FUT8: variants seen among roughly 807,000 people sequenced by gnomAD.
The protein encoded by FUT8 is alpha-(1,6)-fucosyltransferase.
In FUT8, 29 loss-of-function variants were observed where a neutral mutation model predicts 71.3. The ratio of observed to expected loss-of-function variants is 0.41; its 90% CI spans 0.30 to 0.55. FUT8 has a LOEUF of 0.55. Ranked by LOEUF, FUT8 falls within the 20% of genes least tolerant of loss-of-function variation. The pLI, the probability that FUT8 is intolerant of heterozygous loss-of-function variation, is 0.34. For missense variants in FUT8, 544 were observed against 702.1 expected, an observed-to-expected ratio of 0.77 and a Z score of 2.55; for synonymous variants, 254 against 239.3, an observed-to-expected ratio of 1.06 and a Z score of -0.57.
At chr14:65,723,078 GA>G (rs1355858500) in intron 8 of FUT8, among the ~76,000 whole-genome samples, 1 of 151,682 alleles carries the variant, frequency 6.6e-6, no homozygotes, top group African/African-American at 2.4e-5. Context: ...CTGGGAGGCT[GA>G]GGCAAGTGGA....
rs1326216664 is a variant in FUT8, at chr14:65,691,466, C to T, written c.835+21986C>T. 2.6e-5 allele frequency among the ~76,000 whole-genome samples: 4 copies of T among 151,768 alleles called. No homozygotes were observed. In the East Asian group the frequency reaches 7.7e-4, roughly 29 times the overall value. On this transcript the variant is annotated intron_variant, in intron 7 of 10. Transcript: ENST00000673929. ...TGGATTTGGTGGACTACTTTTCTTGCATCTATTGATATTATTAAATTATTT... is the reference window on the plus strand; with the variant it reads ...TGGATTTGGTGGACTACTTTTCTTGTATCTATTGATATTATTAAATTATTT...
the FUT8 span, among the ~76,000 whole-genome samples, chr14:65,378,113 C>A: frequency 2.0e-5 from 3 of 152,198 alleles, no homozygotes; most frequent in Non-Finnish European, 2.9e-5. Flanking sequence ...CACTGTAATT[C>A]TACAACTCTT....
intron 2 of FUT8, among the ~76,000 whole-genome samples, chr14:65,522,617 C>T (rs968187687): frequency 1.3e-4 from 20 of 151,990 alleles, no homozygotes; most frequent in African/African-American, 2.4e-4. Flanking sequence ...TACATGTGCG[C>T]GACGTGCAGG....
intron 3 of FUT8, among the ~76,000 whole-genome samples, chr14:65,567,934 C>T (rs532835161): frequency 6.6e-6 from 1 of 151,816 alleles, no homozygotes; most frequent in African/African-American, 2.4e-5. Flanking sequence ...CAGGCCAATT[C>T]TGTTCTCTGG....
chr14:65,526,582 T>A lies in FUT8; in HGVS notation c.-227-34755T>A, dbSNP rs566630461. ...TTTACATTTAAGGTTAATATTGTTA[T>A]GTGTGAATTTGATCCTGTCATTATG... On this transcript the variant is annotated intron_variant, in intron 2 of 10. Coordinates refer to ENST00000673929, the MANE Select transcript of FUT8 (RefSeq NM_001371533.1). 3.3e-5 allele frequency among the ~76,000 whole-genome samples: 5 copies of A among 152,336 alleles called. No individual in the cohort carries two copies. The East Asian group carries it at 9.6e-4, about 29-fold the overall frequency.
chr14:65,511,045 C>T (rs886206034), intron 2 of FUT8, among the ~76,000 whole-genome samples: 1 of 151,962 alleles, frequency 6.6e-6, no homozygotes, highest in Non-Finnish European at 1.5e-5. Flanking sequence ...GCACTTGTAG[C>T]TATAAAATTC....
chr14:65,524,301 T>C (rs971158190), intron 2 of FUT8, among the ~76,000 whole-genome samples: 4 of 152,166 alleles, frequency 2.6e-5, no homozygotes, highest in African/African-American at 7.2e-5. Context: ...CCCTTGTAAG[T>C]TGGATTCCTA....
chr14:65,534,549 CTTTTTTT>C (rs71126760), intron 2 of FUT8, among the ~76,000 whole-genome samples: 3 of 122,238 alleles, frequency 2.5e-5, no homozygotes, highest in Non-Finnish European at 5.0e-5. Context: ...GGCTGTTTTT[CTTTTTTT>C]TTTTTTTTTG....
chr14:65,450,411 ATACT>A (rs1371958638), intron 1 of FUT8, among the ~76,000 whole-genome samples: 1 of 152,188 alleles, frequency 6.6e-6, no homozygotes, highest in Non-Finnish European at 1.5e-5. Flanking sequence ...CTGAAAACTT[ATACT>A]TATCGTTTTA....
chr14:65,602,816 C>T (rs999558339), intron 3 of FUT8, among the ~76,000 whole-genome samples: 26 of 151,878 alleles, frequency 1.7e-4, no homozygotes, highest in Admixed American at 1.6e-3. Context: ...ATTTGTGTAT[C>T]TTCTTTTGAG....
rs533169578 is a variant in FUT8, at chr14:65,526,573, A to G, written c.-227-34764A>G. ...TTTAGCCCATTTACATTTAAGGTTA[A>G]TATTGTTATGTGTGAATTTGATCCT... On this transcript the variant is annotated intron_variant, in intron 2 of 10. Transcript: ENST00000673929. Among the ~76,000 whole-genome samples the G allele has an allele frequency of 9.9e-5, 15 of 152,208 alleles. No individual in the cohort carries two copies. In the East Asian group the frequency reaches 2.9e-3, roughly 29 times the overall value.
At chr14:65,535,797 A>G (rs553202223) in intron 2 of FUT8, among the ~76,000 whole-genome samples, 50 of 152,164 alleles carry the variant, frequency 3.3e-4, no homozygotes, top group African/African-American at 1.0e-3. Flanking sequence ...ATTTGGATCT[A>G]TTTGGCCCAG....
chr14:65,383,274 T>C, the FUT8 span, among the ~76,000 whole-genome samples: 35 of 86,846 alleles, frequency 4.0e-4, no homozygotes, highest in East Asian at 5.9e-3. Flanking sequence ...TCTTTTTTTT[T>C]TTTTTTTTTT....
At chr14:65,663,127 T>C (rs1371507149) in intron 6 of FUT8, among the ~76,000 whole-genome samples, 1 of 152,104 alleles carries the variant, frequency 6.6e-6, no homozygotes, top group Non-Finnish European at 1.5e-5. Flanking sequence ...TTTCTAGTCT[T>C]TTGCAGGCAT....
At chr14:65,617,983 AT>A (rs1414486887) in intron 5 of FUT8, among the ~76,000 whole-genome samples, 2 of 132,746 alleles carry the variant, frequency 1.5e-5, no homozygotes, top group African/African-American at 2.7e-5. Context: ...TGAGAATTTA[AT>A]TTTCCAGTGT....
At chr14:65,374,421 C>T in the FUT8 span, among the ~76,000 whole-genome samples, 1 of 152,226 alleles carries the variant, frequency 6.6e-6, no homozygotes, top group Middle Eastern at 3.4e-3. Flanking sequence ...TCCTCTATAC[C>T]TCCACTTCCC....
chr14:65,651,059 C>A (rs1891383344), intron 6 of FUT8, among the ~76,000 whole-genome samples: 1 of 152,160 alleles, frequency 6.6e-6, no homozygotes, highest in Non-Finnish European at 1.5e-5. Context: ...GCTGCAATAA[C>A]AAGTTTGCAG....
chr14:65,578,177 G>T (rs1886893804), intron 3 of FUT8, among the ~76,000 whole-genome samples: 1 of 152,132 alleles, frequency 6.6e-6, no homozygotes, highest in Non-Finnish European at 1.5e-5. Flanking sequence ...TGAGGGACTT[G>T]ATTAAACATT....
intron 1 of FUT8, among the ~76,000 whole-genome samples, chr14:65,442,820 C>T (rs1283612964): frequency 1.8e-5 from 2 of 114,002 alleles, no homozygotes; most frequent in South Asian, 2.8e-4. Context: ...GACCCCATCT[C>T]ATTAAAAAAA....
Sources: gnomAD v4.1 joint callset for allele counts (sites outside exome capture counted in the v4.1 genomes callset) on GRCh38, gnomAD v4.1.1 for gene constraint, MANE v1.5 for transcripts, NCBI Gene and HGNC (gene_info 2026-07-23, HGNC 2026-07-21) for gene names.